Variants in AQR observed in about 807,000 individuals in gnomAD.
The protein encoded by AQR is aquarius intron-binding spliceosomal factor.
In AQR, 61 loss-of-function variants were observed where a neutral mutation model predicts 180.5. The ratio of observed to expected loss-of-function variants is 0.34; its 90% CI spans 0.28 to 0.42. The LOEUF is 0.42. AQR is among the 10% of genes least tolerant of loss of function. AQR has a pLI of 1.00. For missense variants in AQR, 1,281 were observed against 1,798.3 expected (o/e 0.71, Z 5.20); for synonymous variants, 551 against 588.8 (o/e 0.94, Z 0.93).
At chr15:34,919,791 G>C (rs924018025) in intron 14 of AQR, among the ~76,000 whole-genome samples, 1 of 151,940 alleles carries the variant, frequency 6.6e-6, no homozygotes, top group South Asian at 2.1e-4. Context: ...CCAGCTACTC[G>C]GGAAGATGAG....
At chr15:34,860,195 C>G (rs375142741) in intron 33 of AQR, 40 bp from the exon 34 acceptor site, 17 of 1,109,526 alleles carry the variant, frequency 1.5e-5, no homozygotes, top group Non-Finnish European at 2.2e-5. Context: ...TCTAGTAAAA[C>G]AACCCTAGAA....
At chr15:34,936,811 T>C (rs1893952178) in intron 9 of AQR, among the ~76,000 whole-genome samples, 2 of 152,110 alleles carry the variant, frequency 1.3e-5, no homozygotes, top group African/African-American at 4.8e-5. Flanking sequence ...GGCCCTATGT[T>C]CTTGCTTTTG....
chr15:34,911,218 T>A (rs200584127), intron 16 of AQR, among the ~76,000 whole-genome samples: 1 of 152,222 alleles, frequency 6.6e-6, no homozygotes, highest in East Asian at 1.9e-4. Context: ...TGTTTCCACA[T>A]CTTGGTTATT....
chr15:34,959,375 G>T (rs1017535717), intron 3 of AQR, among the ~76,000 whole-genome samples: 7 of 152,046 alleles, frequency 4.6e-5, no homozygotes, highest in African/African-American at 7.2e-5. Context: ...TGTTGCTCAG[G>T]CTGGTCCTGA....
At chr15:34,909,397 CA>C (rs1397178247) in intron 17 of AQR, among the ~76,000 whole-genome samples, 1 of 152,156 alleles carries the variant, frequency 6.6e-6, no homozygotes, top group African/African-American at 2.4e-5. Flanking sequence ...TAATTTTGAA[CA>C]TATCTGCCTC....
chr15:34,870,965 G>A (rs756117068), intron 30 of AQR, 43 bp from the exon 31 acceptor site: 3 of 1,570,418 alleles, frequency 1.9e-6, no homozygotes, highest in Admixed American at 1.8e-5. Flanking sequence ...ATTTGCTTTT[G>A]TTTCAATTTT....
intron 24 of AQR, among the ~76,000 whole-genome samples, chr15:34,888,170 C>T (rs187377539): frequency 9.3e-5 from 14 of 151,344 alleles, no homozygotes; most frequent in African/African-American, 3.2e-4. Flanking sequence ...TGGTGGTGGG[C>T]GCCTGTAATC....
chr15:34,918,747 A>G (rs1337309009), intron 14 of AQR, among the ~76,000 whole-genome samples: 1 of 152,280 alleles, frequency 6.6e-6, no homozygotes, highest in African/African-American at 2.4e-5. Flanking sequence ...AAGGGTTTAA[A>G]AACCATGACA....
intron 22 of AQR, among the ~76,000 whole-genome samples, chr15:34,895,811 G>A (rs924875528): frequency 1.3e-5 from 2 of 152,014 alleles, no homozygotes; most frequent in Non-Finnish European, 1.5e-5. Context: ...CAGAAAATCA[G>A]CAATAATAGA....
chr15:34,964,294 C>A lies in AQR; in HGVS notation c.76-4G>T. The A allele has an allele frequency of 6.3e-7, 1 of 1,599,260 alleles. No homozygotes were observed. Among genetic ancestry groups the A allele is most frequent in the Non-Finnish European group, 8.6e-7 (1 of 1,168,382 alleles). On this transcript the variant is annotated splice_region_variant and splice_polypyrimidine_tract_variant and intron_variant, in intron 1 of 34. Coordinates refer to ENST00000156471, the MANE Select transcript of AQR (RefSeq NM_014691.3). The stretch of plus-strand genomic sequence containing the variant: ...GAGCCCAGTATTTACATGCTAACTG[C>A]AAAGTAAACAGTATAAACAGTAAGT...
intron 5 of AQR, among the ~76,000 whole-genome samples, chr15:34,947,144 CTT>C (rs1438110925): frequency 1.4e-5 from 2 of 146,900 alleles, no homozygotes; most frequent in Admixed American, 6.7e-5. Flanking sequence ...ACATGGGAGA[CTT>C]TTCATTTTGT....
intron 3 of AQR, among the ~76,000 whole-genome samples, chr15:34,957,476 G>C (rs1035536187): frequency 2.2e-4 from 33 of 152,066 alleles, no homozygotes; most frequent in African/African-American, 7.5e-4. Context: ...GGAGGCCGAG[G>C]CAAGCGGATC....
At chr15:34,862,802 T>G (rs759620642) in intron 33 of AQR, 65 bp downstream of exon 33, 3 of 1,547,730 alleles carry the variant, frequency 1.9e-6, no homozygotes, top group Non-Finnish European at 2.7e-6. Flanking sequence ...TGTGGTCACC[T>G]ATAAGAAAAT....
intron 24 of AQR, among the ~76,000 whole-genome samples, chr15:34,889,774 G>A (rs747226568): frequency 1.5e-4 from 23 of 152,018 alleles, no homozygotes; most frequent in Non-Finnish European, 3.1e-4. Flanking sequence ...GGGTTACAGC[G>A]ATTCTCCTGC....
chr15:34,914,160 T>C (rs1485603372), intron 16 of AQR, among the ~76,000 whole-genome samples: 1 of 152,206 alleles, frequency 6.6e-6, no homozygotes, highest in African/African-American at 2.4e-5. Flanking sequence ...TATTATATAA[T>C]GTAATAAAAA....
chr15:34,896,747 G>C, intron 22 of AQR, 150 bp downstream of exon 22: 2 of 684,554 alleles, frequency 2.9e-6, no homozygotes, highest in East Asian at 5.8e-5. Context: ...TACTTGGGAG[G>C]CTTAGGCAGA....
chr15:34,895,541 C>T (rs531536221), intron 22 of AQR, among the ~76,000 whole-genome samples: 106 of 151,838 alleles, frequency 7.0e-4, no homozygotes, highest in African/African-American at 2.5e-3. Context: ...TAAAAGAAAG[C>T]TGCAGTAACG....
Position 34,943,480 on chromosome 15 carries a change from T to A in AQR, c.471+808A>T, listed in dbSNP as rs186167819. 313 of 415,214 alleles carry A rather than the reference T, an allele frequency of 7.5e-4. 1 individual carries two copies. The highest frequency in any genetic ancestry group is 2.7e-3 in the East Asian group (47 of 17,546). 25.7% of individuals were successfully genotyped at this position (415,214 alleles called of 1,614,324 possible). On this transcript the variant is annotated intron_variant, in intron 6 of 34. Transcript: ENST00000156471. ...ATAAATAAATAAATAAATAAATAAA[T>A]AAAAATAAATGTTAAAGAGATAACA...
chr15:34,924,443 T>G (rs1174353356), intron 13 of AQR, among the ~76,000 whole-genome samples: 2 of 152,128 alleles, frequency 1.3e-5, no homozygotes, highest in Admixed American at 6.5e-5. Context: ...TACTTTTTTT[T>G]TTTTTTGAGA....
Sources: allele counts gnomAD v4.1 joint callset (sites outside exome capture counted in the v4.1 genomes callset), GRCh38; gene constraint gnomAD v4.1.1; transcripts MANE v1.5; gene names NCBI Gene and HGNC (gene_info 2026-07-23, HGNC 2026-07-21).